The following ERCC8 variants were observed in gnomAD, a reference collection of about 807,000 sequenced individuals.
The protein encoded by ERCC8 is DNA excision repair protein ERCC-8.
A neutral mutation model predicts 54.9 loss-of-function variants in ERCC8; 52 were observed. The ratio of observed to expected loss-of-function variants is 0.95; its 90% CI spans 0.76 to 1.19. ERCC8 has a LOEUF of 1.19. Among genes scored for constraint, ERCC8 ranks in the 50% most tolerant of loss-of-function variants. ERCC8 has a pLI of 0.00. For synonymous variants in ERCC8, 146 were observed against 157.2 expected (o/e 0.93, Z 0.53); for missense variants, 514 against 466.1 (o/e 1.10, Z -0.95).
At chr5:60,940,294 G>A (rs4647047) in intron 1 of ERCC8, among the ~76,000 whole-genome samples, 25 of 152,174 alleles carry the variant, frequency 1.6e-4, no homozygotes, top group East Asian at 1.9e-4. Flanking sequence ...CTATGGCTAC[G>A]CATAGTGGCC....
In ERCC8 at chr5:60,868,362, A is replaced by G. The variant is rs995003298; in HGVS notation, c.*6253T>C. Among the ~76,000 whole-genome samples the G allele has an allele frequency of 3.3e-5, 5 of 152,228 alleles. No homozygotes were observed. The highest frequency in any genetic ancestry group is 1.2e-4 in the African/African-American group (5 of 41,466). On this transcript the variant is annotated 3_prime_UTR_variant, in exon 12 of 12. Transcript: ENST00000676185. ...GCATGAACTCGGAGAGCGGTTATCA[A>G]TCCACTAGCACAAAGTTTACCAGTA...
intron 1 of ERCC8, among the ~76,000 whole-genome samples, chr5:60,941,140 G>T (rs1452006825): frequency 6.6e-6 from 1 of 152,024 alleles, no homozygotes; most frequent in African/African-American, 2.4e-5. Context: ...AAACAGTGAG[G>T]CCTCATCTCT....
At chr5:60,877,941 T>A (rs910164061) in intron 11 of ERCC8, among the ~76,000 whole-genome samples, 1 of 152,216 alleles carries the variant, frequency 6.6e-6, no homozygotes, top group Non-Finnish European at 1.5e-5. Flanking sequence ...GGCATCCCTG[T>A]CTTGTGCCTG....
Position 60,870,886 on chromosome 5 carries a change from G to T in ERCC8, c.*3729C>A, listed in dbSNP as rs901311487. On this transcript the variant is annotated 3_prime_UTR_variant, in exon 12 of 12. Transcript: ENST00000676185. ...AAAAAGACATCAGATTTCTTGACGA[G>T]ATTAAGAAACTGTAAGTTTTTACTT... Among the ~76,000 whole-genome samples the T allele has an allele frequency of 6.6e-6, 1 of 152,046 alleles. No individual in the cohort carries two copies. The highest frequency in any genetic ancestry group is 2.4e-5 in the African/African-American group (1 of 41,422).
chr5:60,919,608 A>G (rs563929429), intron 3 of ERCC8: 1 of 152,184 alleles, frequency 6.6e-6, no homozygotes, highest in Non-Finnish European at 1.5e-5. Flanking sequence ...AAATATTCAT[A>G]TATTTTAACT....
chr5:60,878,135 G>A (rs982982587), intron 11 of ERCC8, among the ~76,000 whole-genome samples: 5 of 152,146 alleles, frequency 3.3e-5, no homozygotes, highest in African/African-American at 9.7e-5. Context: ...TAATCATTTG[G>A]TTTTTGTCAT....
rs1747863119 is a variant in ERCC8, at chr5:60,871,528, A to T, written c.*3087T>A. ...CTAATGTGGAAAGAGAGGGGTGTTT[A>T]TAACAACAGCTTGTTGAACATCCCA... On this transcript the variant is annotated 3_prime_UTR_variant, in exon 12 of 12. Coordinates refer to ENST00000676185, the MANE Select transcript of ERCC8 (RefSeq NM_000082.4). Among the ~76,000 whole-genome samples the T allele has an allele frequency of 6.6e-6, 1 of 152,220 alleles. No individual in the cohort carries two copies. Among genetic ancestry groups the T allele is most frequent in the Non-Finnish European group, 1.5e-5 (1 of 68,040 alleles).
At chr5:60,943,538 T>C (rs1750327253) in intron 1 of ERCC8, among the ~76,000 whole-genome samples, 1 of 152,202 alleles carries the variant, frequency 6.6e-6, no homozygotes. Flanking sequence ...ACACACAGGC[T>C]GCAAAGCATG....
chr5:60,910,774 T>C (rs985684891), intron 4 of ERCC8, among the ~76,000 whole-genome samples: 3 of 152,140 alleles, frequency 2.0e-5, no homozygotes, highest in Non-Finnish European at 4.4e-5. Context: ...TGGCTATAGA[T>C]TCTTTTGAAT....
At chr5:60,881,625 G>A (rs897314950) in intron 11 of ERCC8, among the ~76,000 whole-genome samples, 4 of 152,176 alleles carry the variant, frequency 2.6e-5, no homozygotes, top group African/African-American at 9.7e-5. Flanking sequence ...TGCTAGCAAT[G>A]GGCGAGGCTC....
intron 3 of ERCC8, among the ~76,000 whole-genome samples, chr5:60,921,792 G>C (rs1159272947): frequency 1.3e-5 from 2 of 151,830 alleles, no homozygotes; most frequent in African/African-American, 4.8e-5. Flanking sequence ...AGAAAAAGAA[G>C]GACATAATCA....
chr5:60,912,834 C>A (rs1749311579), intron 4 of ERCC8, among the ~76,000 whole-genome samples: 1 of 152,074 alleles, frequency 6.6e-6, no homozygotes, highest in Non-Finnish European at 1.5e-5. Context: ...GCCTTTTCTG[C>A]ATCTATTGAG....
At chr5:60,882,370 A>G (rs1224596773) in intron 11 of ERCC8, among the ~76,000 whole-genome samples, 1 of 152,190 alleles carries the variant, frequency 6.6e-6, no homozygotes, top group Non-Finnish European at 1.5e-5. Flanking sequence ...AATGTCAGCT[A>G]TACTCCAAAT....
chr5:60,908,581 A>AT (rs142838100), intron 4 of ERCC8, among the ~76,000 whole-genome samples: 40,250 of 136,826 alleles, frequency 0.29, 5,977 homozygotes, highest in East Asian at 0.46. Flanking sequence ...ATATATATAT[A>AT]TATTTTTTTT....
intron 1 of ERCC8, among the ~76,000 whole-genome samples, chr5:60,938,350 A>ATTTTTTTTTTTTTTTTTTTTT (rs1231887020): frequency 2.4e-5 from 1 of 41,042 alleles, no homozygotes; most frequent in Non-Finnish European, 4.2e-5. Context: ...ACCTTTTTGA[A>ATTTTTTTTTTTTTTTTTTTTT]TTTTTTTTTT....
At chr5:60,912,067 T>G (rs1749283224) in intron 4 of ERCC8, among the ~76,000 whole-genome samples, 1 of 151,884 alleles carries the variant, frequency 6.6e-6, no homozygotes, top group African/African-American at 2.4e-5. Flanking sequence ...ATTGTCTTGG[T>G]AATGCGGGCT....
At chr5:60,876,254 C>T (rs1219583320) in intron 11 of ERCC8, among the ~76,000 whole-genome samples, 2 of 152,098 alleles carry the variant, frequency 1.3e-5, no homozygotes, top group East Asian at 3.8e-4. Context: ...ATATATGTGC[C>T]ACATTTTCTT....
At chr5:60,925,682 C>T (rs1354802508) in intron 2 of ERCC8, among the ~76,000 whole-genome samples, 6 of 152,142 alleles carry the variant, frequency 3.9e-5, no homozygotes, top group Non-Finnish European at 7.3e-5. Context: ...CACTTATTCA[C>T]AGTTTGGGGT....
At position 60,928,939 on chromosome 5, in the gene ERCC8, T is replaced by C. The variant is rs749187470; in HGVS notation, c.98A>G (p.Asn33Ser). 7.5e-6 allele frequency: 12 copies of C among 1,603,172 alleles called. No individual in the cohort carries two copies. Among genetic ancestry groups the C allele is most frequent in the South Asian group, 1.1e-5 (1 of 90,546 alleles). Residue 33 changes from asparagine to serine, a missense_variant, in exon 2 of 12, where the codon AAT becomes AGT. Transcript: ENST00000676185. ...STRRVLGLEL[N>S]KDRDVERIHG... ...GATTCTTTCAACATCTCTGTCTTTA[T>C]TTAATTCCAGTCCCAAAACTCTTAA...
Sources: gnomAD v4.1 joint callset for allele counts (sites outside exome capture counted in the v4.1 genomes callset) on GRCh38, gnomAD v4.1.1 for gene constraint, MANE v1.5 for transcripts, NCBI Gene and HGNC (gene_info 2026-07-23, HGNC 2026-07-21) for gene names.